The following DRC3 variants were observed in gnomAD, a reference collection of about 807,000 sequenced individuals.
The protein encoded by DRC3 is leucine rich repeat containing 48.
DRC3 carries 45 observed loss-of-function variants against 57.6 expected under a neutral mutation model. The observed-to-expected ratio is 0.78, with a 90% confidence interval of 0.62 to 1.00. The LOEUF (loss-of-function observed/expected upper bound fraction) is 1.00. DRC3 is among the 50% of genes least tolerant of loss of function. The pLI is 0.00. For synonymous variants in DRC3, 257 were observed against 272.3 expected (o/e 0.94, Z 0.55); for missense variants, 655 against 675.2 (o/e 0.97, Z 0.33).
rs2043296481 is a variant in DRC3, at chr17:17,992,911, A to G, written c.591A>G (p.Thr197=). 1 of 1,613,882 alleles carries G rather than the reference A, an allele frequency of 6.2e-7. No homozygotes were observed. Among genetic ancestry groups the G allele is most frequent in the Non-Finnish European group, 8.5e-7 (1 of 1,179,824 alleles). Residue 197 remains threonine, a splice_region_variant and synonymous_variant, in exon 6 of 14, where the codon ACA becomes ACG. Transcript: ENST00000399187. The stretch of plus-strand genomic sequence containing the variant: ...ACTACCGGCGCATTGATGACCACAC[A>G]GCAAGTGTCTCCCTCTCAGTCTCCC... The part of the protein sequence containing the change: ...YLDYRRIDDH[T]KKLAEAKHQY...
rs557586139 is a variant in DRC3, at chr17:17,988,078, C to T, written c.424C>T (p.Arg142Trp). The T allele has an allele frequency of 3.5e-5, 57 of 1,613,806 alleles. No individual in the cohort carries two copies. The highest frequency in any genetic ancestry group is 9.3e-5 in the African/African-American group (7 of 75,032). Residue 142 changes from arginine to tryptophan, a missense_variant, in exon 5 of 14, where the codon CGG becomes TGG. Coordinates refer to ENST00000399187, the MANE Select transcript of DRC3 (RefSeq NM_031294.4). The stretch of plus-strand genomic sequence containing the variant: ...GCAGGTGTTGTCGCTGGGCAACAAC[C>T]GGATTGACAACATGATGAACGTGAG... ...KLQVLSLGNN[R>W]IDNMMNIIYL...
intron 3 of DRC3, among the ~76,000 whole-genome samples, chr17:17,980,778 A>C (rs2145217477): frequency 6.6e-6 from 1 of 152,154 alleles, no homozygotes; most frequent in Non-Finnish European, 1.5e-5. Context: ...TATTTTTAGT[A>C]GAGACGGGGT....
In DRC3 at chr17:18,016,842, TA is replaced by T; in HGVS notation, c.*174del. 2.2e-6 allele frequency: 1 copy of T among 449,648 alleles called. No homozygotes were observed. Among genetic ancestry groups the T allele is most frequent in the South Asian group, 3.4e-5 (1 of 29,776 alleles). 27.9% of individuals were successfully genotyped at this position (449,648 alleles called of 1,614,324 possible). A position where few individuals can be genotyped will look rare whatever the true frequency, so the allele number is the denominator to read the frequency against. On this transcript the variant is annotated 3_prime_UTR_variant, in exon 14 of 14. Coordinates refer to ENST00000399187, the MANE Select transcript of DRC3 (RefSeq NM_031294.4). Reference sequence around the variant, plus strand: ...GAAAAACTTCCAAAAGTAGAGAAAATAAAGGACTCATTTCACATTTCCCCTA... The same window carrying T: ...GAAAAACTTCCAAAAGTAGAGAAAATAAGGACTCATTTCACATTTCCCCTA...
intron 2 of DRC3, among the ~76,000 whole-genome samples, chr17:17,975,521 C>T (rs1167902916): frequency 6.9e-6 from 1 of 144,968 alleles, no homozygotes; most frequent in Admixed American, 6.8e-5. Context: ...CCCCACCCCC[C>T]CCCCAAAAAA....
intron 13 of DRC3, 93 bp downstream of exon 13, chr17:18,016,288 G>A (rs2044361062): frequency 1.5e-6 from 2 of 1,309,534 alleles, no homozygotes; most frequent in East Asian, 2.3e-5. Context: ...TTTTCATTAA[G>A]GAATGAAATG....
At chr17:17,998,736 C>A (rs983395001) in intron 9 of DRC3, among the ~76,000 whole-genome samples, 1 of 152,170 alleles carries the variant, frequency 6.6e-6, no homozygotes, top group South Asian at 2.1e-4. Flanking sequence ...ACATGTTGTG[C>A]GATTTAATTC....
chr17:17,996,996 C>T (rs929730425), intron 8 of DRC3, among the ~76,000 whole-genome samples: 2 of 152,210 alleles, frequency 1.3e-5, no homozygotes, highest in South Asian at 4.1e-4. Context: ...ATCCCCAGCA[C>T]AGCTACAGCA....
chr17:17,983,212 C>T (rs1387249080), intron 3 of DRC3, among the ~76,000 whole-genome samples: 1 of 152,234 alleles, frequency 6.6e-6, no homozygotes, highest in Non-Finnish European at 1.5e-5. Flanking sequence ...TGACTTATCT[C>T]ATCCCCTACG....
chr17:17,984,085 G>A, intron 4 of DRC3, 141 bp downstream of exon 4: 1 of 590,552 alleles, frequency 1.7e-6, no homozygotes, highest in Admixed American at 3.2e-5. Flanking sequence ...AGCTCTGCCT[G>A]CTGGGAGCAA....
intron 7 of DRC3, among the ~76,000 whole-genome samples, chr17:17,994,765 T>C (rs2043389119): frequency 6.6e-6 from 1 of 152,218 alleles, no homozygotes; most frequent in Non-Finnish European, 1.5e-5. Context: ...CCTGAATTCA[T>C]GACTGGACCC....
intron 9 of DRC3, among the ~76,000 whole-genome samples, chr17:18,000,814 T>C (rs2043698224): frequency 1.3e-5 from 2 of 152,232 alleles, no homozygotes; most frequent in Non-Finnish European, 2.9e-5. Context: ...CATTTGTGTT[T>C]TTTATTCTGT....
In DRC3 at chr17:17,992,964, C is replaced by G. The variant is rs375891053; in HGVS notation, c.591+53C>G. 3.1e-6 allele frequency: 5 copies of G among 1,601,798 alleles called. No homozygotes were observed. The African/African-American group carries it at 5.4e-5, about 17-fold the overall frequency. ...CCCTGTGAGACAGATTCCTCAAGCC[C>G]CCAGGTTTCTTGGAAAAGGGGCATT... On this transcript the variant is annotated intron_variant, in intron 6 of 13. Coordinates refer to ENST00000399187, the MANE Select transcript of DRC3 (RefSeq NM_031294.4).
chr17:17,975,515 A>ACC (rs370465380), intron 2 of DRC3, among the ~76,000 whole-genome samples: 1,424 of 74,100 alleles, frequency 0.019, 25 homozygotes, highest in African/African-American at 0.053. Context: ...TGACCTCCCC[A>ACC]CCCCCCCCCC....
intron 9 of DRC3, among the ~76,000 whole-genome samples, chr17:18,001,510 GA>G (rs1159037535): frequency 4.0e-5 from 6 of 151,532 alleles, no homozygotes; most frequent in African/African-American, 9.7e-5. Flanking sequence ...CTCAAAAAAA[GA>G]AAAAAAATGT....
chr17:18,000,968 T>C (rs2043705935), intron 9 of DRC3, among the ~76,000 whole-genome samples: 1 of 152,154 alleles, frequency 6.6e-6, no homozygotes, highest in African/African-American at 2.4e-5. Context: ...TGCACCATTA[T>C]AGCTCACTGC....
chr17:17,977,117 G>C (rs150664961), intron 2 of DRC3, among the ~76,000 whole-genome samples: 147 of 152,288 alleles, frequency 9.7e-4, no homozygotes, highest in African/African-American at 3.4e-3. Flanking sequence ...CACACATGAC[G>C]GCCTGGAGGG....
intron 12 of DRC3, among the ~76,000 whole-genome samples, chr17:18,012,406 G>A (rs1049916060): frequency 3.3e-5 from 5 of 152,286 alleles, no homozygotes; most frequent in Admixed American, 2.0e-4. Context: ...CTGGCAGGGC[G>A]CAGTGGCTCA....
At chr17:17,974,324 G>T (rs1157957865) in intron 2 of DRC3, among the ~76,000 whole-genome samples, 2 of 152,210 alleles carry the variant, frequency 1.3e-5, no homozygotes, top group African/African-American at 4.8e-5. Context: ...CAGTACTGTT[G>T]CTAGAGTGAG....
chr17:17,983,714 G>A, intron 3 of DRC3, 114 bp from the exon 4 acceptor site: 1 of 700,830 alleles, frequency 1.4e-6, no homozygotes, highest in South Asian at 1.7e-5. Context: ...CGTACTCCAG[G>A]GCAGGGCAGA....
Sources: allele counts gnomAD v4.1 joint callset (sites outside exome capture counted in the v4.1 genomes callset), GRCh38; gene constraint gnomAD v4.1.1; transcripts MANE v1.5; gene names NCBI Gene and HGNC (gene_info 2026-07-23, HGNC 2026-07-21).